The following ENOX1 variants were observed in gnomAD, a reference collection of about 807,000 sequenced individuals.
ENOX1 encodes the protein candidate growth-related and time keeping constitutive hydroquinone (NADH) oxidase.
ENOX1 carries 42 observed loss-of-function variants against 82.5 expected under a neutral mutation model. The observed-to-expected ratio is 0.51, with a 90% CI of 0.40 to 0.66. The LOEUF (loss-of-function observed/expected upper bound fraction) is 0.66, where lower values mean the gene tolerates loss of function less well. Ranked by LOEUF, ENOX1 falls within the 30% of genes least tolerant of loss-of-function variation. The pLI is 0.00. For synonymous variants in ENOX1, 271 were observed against 282.2 expected, an observed-to-expected ratio of 0.96 and a Z score of 0.40; for missense variants, 608 against 811.6, an observed-to-expected ratio of 0.75 and a Z score of 3.05.
At position 43,780,140 on chromosome 13, in the gene ENOX1, GA is replaced by G. The variant is rs577139472; in HGVS notation, c.-285+6511del. 2.0e-4 allele frequency among the ~76,000 whole-genome samples: 30 copies of G among 147,784 alleles called. No individual in the cohort carries two copies. The East Asian group carries it at 3.2e-3, about 16-fold the overall frequency. ...GGTGCCACTGCACTCCAGCCTGGGC[GA>G]CAGAGCGAGACTCTGTCTCAAAAAA... On this transcript the variant is annotated intron_variant, in intron 1 of 16. Coordinates refer to ENST00000690772, the MANE Select transcript of ENOX1 (RefSeq NM_001347969.2).
At chr13:43,569,240 G>C (rs1171451345) in intron 2 of ENOX1, among the ~76,000 whole-genome samples, 1 of 151,948 alleles carries the variant, frequency 6.6e-6, no homozygotes, top group Non-Finnish European at 1.5e-5. Flanking sequence ...TTCCATCCCT[G>C]GTTCCTTATT....
chr13:43,222,932 T>C (rs2041862664), intron 16 of ENOX1, among the ~76,000 whole-genome samples: 1 of 152,166 alleles, frequency 6.6e-6, no homozygotes, highest in Admixed American at 6.6e-5. Flanking sequence ...ATTCTCTAAC[T>C]CCTTTCACCC....
At chr13:43,640,974 G>A (rs944050953) in intron 2 of ENOX1, among the ~76,000 whole-genome samples, 1 of 151,456 alleles carries the variant, frequency 6.6e-6, no homozygotes, top group South Asian at 2.1e-4. Flanking sequence ...GTAAAACATA[G>A]AACAATCTTT....
At chr13:43,570,491 G>A (rs527451897) in intron 2 of ENOX1, among the ~76,000 whole-genome samples, 2 of 152,286 alleles carry the variant, frequency 1.3e-5, no homozygotes, top group African/African-American at 4.8e-5. Flanking sequence ...GACCTCAGAG[G>A]CCAAGGACAT....
chr13:43,628,549 A>G lies in ENOX1; in HGVS notation c.-219+38930T>C, dbSNP rs550524555. 5.7e-4 allele frequency among the ~76,000 whole-genome samples: 87 copies of G among 152,254 alleles called. 1 individual carries two copies. The South Asian group carries it at 0.017, about 29-fold the overall frequency. ...TGTAATTGCTAGTTTAAGCATTTCT[A>G]CCATAGCTGCTTTCAAATCCTTTTC... On this transcript the variant is annotated intron_variant, in intron 2 of 16. Coordinates refer to ENST00000690772, the MANE Select transcript of ENOX1 (RefSeq NM_001347969.2).
intron 14 of ENOX1, among the ~76,000 whole-genome samples, chr13:43,259,873 C>T (rs28595380): frequency 5.3e-5 from 8 of 152,274 alleles, no homozygotes; most frequent in Middle Eastern, 3.4e-3. Flanking sequence ...AGTTCAAGAT[C>T]GGGGCCCCTA....
chr13:43,624,796 G>A (rs1289565544), intron 2 of ENOX1, among the ~76,000 whole-genome samples: 3 of 152,008 alleles, frequency 2.0e-5, no homozygotes, highest in African/African-American at 7.2e-5. Flanking sequence ...CTTGATTACT[G>A]TATCTACATA....
intron 2 of ENOX1, among the ~76,000 whole-genome samples, chr13:43,511,262 G>A (rs2077358857): frequency 6.6e-6 from 1 of 152,004 alleles, no homozygotes; most frequent in South Asian, 2.1e-4. Flanking sequence ...AAAGTTACTT[G>A]GACATGACAA....
chr13:43,721,422 A>C (rs1291656054), intron 1 of ENOX1, among the ~76,000 whole-genome samples: 2 of 109,360 alleles, frequency 1.8e-5, no homozygotes, highest in Admixed American at 1.4e-4. Context: ...TCTGTCGCCC[A>C]GGCTGGAGTG....
At chr13:43,731,129 C>T (rs544887727) in intron 1 of ENOX1, among the ~76,000 whole-genome samples, 4 of 152,282 alleles carry the variant, frequency 2.6e-5, no homozygotes, top group African/African-American at 9.6e-5. Flanking sequence ...CCCACTAAGG[C>T]CACCTTCTTT....
chr13:43,614,279 T>C (rs888119876), intron 2 of ENOX1, among the ~76,000 whole-genome samples: 12 of 152,162 alleles, frequency 7.9e-5, no homozygotes, highest in African/African-American at 2.9e-4. Context: ...TTAGTTTCTG[T>C]TGACAGTTTC....
intron 2 of ENOX1, among the ~76,000 whole-genome samples, chr13:43,486,391 A>C (rs2076418656): frequency 6.6e-6 from 1 of 152,048 alleles, no homozygotes; most frequent in Admixed American, 6.5e-5. Flanking sequence ...CAAAAAAAAA[A>C]CAAAGACAAA....
intron 11 of ENOX1, among the ~76,000 whole-genome samples, chr13:43,305,293 C>T (rs1476376673): frequency 6.6e-6 from 1 of 152,132 alleles, no homozygotes; most frequent in African/African-American, 2.4e-5. Context: ...AAATTGCTCA[C>T]GGAAATTTCT....
intron 2 of ENOX1, among the ~76,000 whole-genome samples, chr13:43,505,447 T>C (rs895575007): frequency 1.3e-5 from 2 of 151,962 alleles, no homozygotes; most frequent in Non-Finnish European, 2.9e-5. Context: ...GATACAAAGT[T>C]TGCAGTCAAA....
intron 14 of ENOX1, among the ~76,000 whole-genome samples, chr13:43,265,112 T>A (rs1468320155): frequency 6.6e-6 from 1 of 152,196 alleles, no homozygotes; most frequent in African/African-American, 2.4e-5. Context: ...TCCCAGTATA[T>A]CATCAGTTAT....
intron 5 of ENOX1, among the ~76,000 whole-genome samples, chr13:43,374,963 C>A (rs1594210581): frequency 6.6e-6 from 1 of 152,220 alleles, no homozygotes; most frequent in South Asian, 2.1e-4. Flanking sequence ...TCAAGTTCAG[C>A]TTCCTCATCT....
chr13:43,469,464 T>C lies in ENOX1; in HGVS notation c.-75+14545A>G, dbSNP rs2057890504. On this transcript the variant is annotated intron_variant, in intron 3 of 16. Coordinates refer to ENST00000690772, the MANE Select transcript of ENOX1 (RefSeq NM_001347969.2). ...GTCAGGTTTTGCTATCAGGGTAATA[T>C]TACAATTGTAGTTTCATCTATTAAC... Among the ~76,000 whole-genome samples, 2 of 151,990 alleles carry C rather than the reference T, an allele frequency of 1.3e-5. 1 individual carries two copies. Among genetic ancestry groups the C allele is most frequent in the South Asian group, 4.1e-4 (2 of 4,830 alleles).
intron 12 of ENOX1, among the ~76,000 whole-genome samples, chr13:43,290,216 A>G (rs1026480031): frequency 6.6e-6 from 1 of 152,212 alleles, no homozygotes; most frequent in Non-Finnish European, 1.5e-5. Context: ...CAGCAAGGCC[A>G]TTACTGCGTG....
intron 8 of ENOX1, among the ~76,000 whole-genome samples, chr13:43,352,835 C>T (rs1594098491): frequency 2.0e-5 from 3 of 152,300 alleles, no homozygotes; most frequent in Admixed American, 2.0e-4. Context: ...TCTCTCACTC[C>T]AGCACTGCCC....
Sources: allele counts gnomAD v4.1 joint callset (sites outside exome capture counted in the v4.1 genomes callset), GRCh38; gene constraint gnomAD v4.1.1; transcripts MANE v1.5; gene names NCBI Gene and HGNC (gene_info 2026-07-23, HGNC 2026-07-21).